Variants in SLC44A1 observed in about 807,000 individuals in gnomAD.
The protein encoded by SLC44A1 is choline transporter-like protein 1.
In SLC44A1, 26 loss-of-function variants were observed where a neutral mutation model predicts 79.3. That is an observed-to-expected ratio of 0.33 (90% confidence interval 0.24 to 0.46). The LOEUF (loss-of-function observed/expected upper bound fraction) is 0.46. SLC44A1 is among the 20% of genes least tolerant of loss of function. The probability of loss-of-function intolerance (pLI) is 1.00; values close to 1 mark genes in which losing one functional copy is unlikely to be tolerated. For missense variants in SLC44A1, 688 were observed against 798.1 expected (o/e 0.86, Z 1.66); for synonymous variants, 263 against 286.2 (o/e 0.92, Z 0.82).
intron 1 of SLC44A1, among the ~76,000 whole-genome samples, chr9:105,246,212 T>C (rs959670162): frequency 5.9e-5 from 9 of 152,208 alleles, no homozygotes; most frequent in African/African-American, 1.9e-4. Context: ...CAGAAGTGTT[T>C]TTGCTGCTGC....
rs150044316 is a variant in SLC44A1, at chr9:105,294,161, G to T, written c.37-5059G>T. On this transcript the variant is annotated intron_variant, in intron 1 of 15. Transcript: ENST00000374720. Reference sequence around the variant, plus strand: ...TTGTATATGTGTGCAAAAAAAGCCTGTACTGTGGATATTGTTGTAGGAATA... The same window carrying T: ...TTGTATATGTGTGCAAAAAAAGCCTTTACTGTGGATATTGTTGTAGGAATA... 4.7e-4 allele frequency among the ~76,000 whole-genome samples: 71 copies of T among 152,212 alleles called. 1 individual carries two copies. The East Asian group carries it at 0.013, about 28-fold the overall frequency.
chr9:105,349,138 A>C (rs1196256286), intron 5 of SLC44A1, among the ~76,000 whole-genome samples: 2 of 152,150 alleles, frequency 1.3e-5, no homozygotes, highest in African/African-American at 4.8e-5. Context: ...ATATGCTCAG[A>C]ATTAGGTAGG....
chr9:105,409,373 A>G (rs1029260906), intron 15 of SLC44A1, among the ~76,000 whole-genome samples: 1 of 152,240 alleles, frequency 6.6e-6, no homozygotes, highest in Non-Finnish European at 1.5e-5. Flanking sequence ...ACAATGCATC[A>G]ATAACATATA....
At chr9:105,413,725 A>C (rs1829128383) in intron 15 of SLC44A1, among the ~76,000 whole-genome samples, 1 of 152,192 alleles carries the variant, frequency 6.6e-6, no homozygotes, top group East Asian at 1.9e-4. Context: ...CTAGGAGGGG[A>C]AAGGCCACCT....
At chr9:105,261,936 T>G (rs1829851159) in intron 1 of SLC44A1, among the ~76,000 whole-genome samples, 1 of 151,968 alleles carries the variant, frequency 6.6e-6, no homozygotes, top group Non-Finnish European at 1.5e-5. Flanking sequence ...CCCGCCACCA[T>G]GCCCAGCTAA....
intron 1 of SLC44A1, among the ~76,000 whole-genome samples, chr9:105,298,135 T>TA (rs1055782176): frequency 1.3e-5 from 2 of 152,034 alleles, no homozygotes; most frequent in Non-Finnish European, 2.9e-5. Context: ...CAGTTGGAAT[T>TA]CCAGTCAATA....
In SLC44A1 at chr9:105,376,806, T is replaced by C. The variant is rs372067297; in HGVS notation, c.1632+2071T>C. 2.6e-4 allele frequency among the ~76,000 whole-genome samples: 39 copies of C among 152,346 alleles called. 1 individual carries two copies. The highest frequency in any genetic ancestry group is 9.4e-4 in the African/African-American group (39 of 41,580). The stretch of plus-strand genomic sequence containing the variant: ...GTACCAGGCAATGAGTGAAGGGCTT[T>C]TGTTAAGTGTTACATTTGGTCCTCC... On this transcript the variant is annotated intron_variant, in intron 13 of 15. Coordinates refer to ENST00000374720, the MANE Select transcript of SLC44A1 (RefSeq NM_080546.5).
At chr9:105,416,630 C>T (rs1588876855) in intron 15 of SLC44A1, among the ~76,000 whole-genome samples, 1 of 152,108 alleles carries the variant, frequency 6.6e-6, no homozygotes, top group South Asian at 2.1e-4. Context: ...ATAGCATTTG[C>T]GGCATATGCA....
intron 15 of SLC44A1, among the ~76,000 whole-genome samples, chr9:105,424,807 C>A (rs1021872651): frequency 6.6e-6 from 1 of 151,792 alleles, no homozygotes; most frequent in African/African-American, 2.4e-5. Flanking sequence ...ATTAGCCAGG[C>A]GTGATGGTGC....
chr9:105,397,949 GA>G (rs904638767), downstream of SLC44A1, among the ~76,000 whole-genome samples: 988 of 148,670 alleles, frequency 6.6e-3, 8 homozygotes, highest in African/African-American at 0.024. Flanking sequence ...CTCGGTCTCA[GA>G]AAAAAAAAAA....
intron 14 of SLC44A1, among the ~76,000 whole-genome samples, chr9:105,383,789 C>G (rs1163988230): frequency 6.6e-6 from 1 of 152,210 alleles, no homozygotes; most frequent in African/African-American, 2.4e-5. Context: ...GGTTAAAACT[C>G]ATTATCTTAA....
chr9:105,326,800 A>G (rs1826590800), intron 3 of SLC44A1, among the ~76,000 whole-genome samples: 1 of 152,188 alleles, frequency 6.6e-6, no homozygotes, highest in South Asian at 2.1e-4. Flanking sequence ...CCATTTATAT[A>G]TGCCGATTAT....
At position 105,393,414 on chromosome 9, in the gene SLC44A1, G is replaced by A. The variant is rs1360088; in HGVS notation, c.*4358G>A. The A allele has an allele frequency of 4.8e-5, 47 of 985,092 alleles. No homozygotes were observed. The highest frequency in any genetic ancestry group is 4.5e-4 in the African/African-American group (26 of 57,290). The allele number at this position is 985,092 out of a possible 1,614,324, so 61.0% of individuals were successfully genotyped here. On this transcript the variant is annotated 3_prime_UTR_variant, in exon 16 of 16. Transcript: ENST00000374720. ...TTAAAAAACAAAACAAAAATTACAC[G>A]TCGTGTACAGTTATGAATTTAGAAT...
At chr9:105,325,488 A>T (rs977259549) in intron 3 of SLC44A1, among the ~76,000 whole-genome samples, 1 of 152,250 alleles carries the variant, frequency 6.6e-6, no homozygotes. Flanking sequence ...TCTACATCTC[A>T]TGAGAGCCTT....
At chr9:105,324,063 G>A (rs997719735) in intron 3 of SLC44A1, among the ~76,000 whole-genome samples, 1 of 151,960 alleles carries the variant, frequency 6.6e-6, no homozygotes, top group Non-Finnish European at 1.5e-5. Flanking sequence ...GTGCAGTGGT[G>A]CGATCTAGGC....
chr9:105,362,789 T>C (rs755921134), intron 8 of SLC44A1, 32 bp from the exon 9 acceptor site: 8 of 1,483,938 alleles, frequency 5.4e-6, no homozygotes, highest in South Asian at 2.8e-5. Context: ...TCACTACTTA[T>C]AATAATAACT....
exon 16 of SLC44A1, chr9:105,438,390 G>T: frequency 1.0e-6 from 1 of 1,000,134 alleles, no homozygotes; most frequent in Non-Finnish European, 1.5e-6. Flanking sequence ...ATTATGAAGA[G>T]CAGGATCTTA....
intron 1 of SLC44A1, among the ~76,000 whole-genome samples, chr9:105,266,370 T>A: frequency 6.6e-6 from 1 of 152,232 alleles, no homozygotes; most frequent in South Asian, 2.1e-4. Context: ...ATATCATAGC[T>A]AGGAACACTG....
chr9:105,394,218 A>G lies in SLC44A1; in HGVS notation c.*5162A>G. On this transcript the variant is annotated 3_prime_UTR_variant, in exon 16 of 16. Coordinates refer to ENST00000374720, the MANE Select transcript of SLC44A1 (RefSeq NM_080546.5). ...TAATGTGTTTTGAAATGAGGAAGTG[A>G]TTAGGCCTCCACTAGAGATACTTTT... The G allele has an allele frequency of 5.1e-6, 5 of 985,370 alleles. No individual in the cohort carries two copies. The highest frequency in any genetic ancestry group is 4.8e-6 in the Non-Finnish European group (4 of 829,912). 61.0% of individuals were successfully genotyped at this position (985,370 alleles called of 1,614,324 possible).
Sources: allele counts gnomAD v4.1 joint callset (sites outside exome capture counted in the v4.1 genomes callset), GRCh38; gene constraint gnomAD v4.1.1; transcripts MANE v1.5; gene names NCBI Gene and HGNC (gene_info 2026-07-23, HGNC 2026-07-21).